DUSP29: variants seen among roughly 807,000 people sequenced by gnomAD.
DUSP29 encodes the protein dual specificity phosphatase 29, also known as atypical dual-specific protein phosphatase.
In DUSP29, 12 loss-of-function variants were observed where a neutral mutation model predicts 13.5. That is an observed-to-expected ratio of 0.89 (90% confidence interval 0.57 to 1.44). DUSP29 has a LOEUF of 1.44. Among genes scored for constraint, DUSP29 ranks in the 40% most tolerant of loss-of-function variants. DUSP29 has a pLI of 0.00. For synonymous variants in DUSP29, 134 were observed against 128.7 expected (o/e 1.04, Z -0.28); for missense variants, 308 against 301.1 (o/e 1.02, Z -0.17).
At chr10:75,041,945 G>A (rs1403426663) in intron 3 of DUSP29, among the ~76,000 whole-genome samples, 2 of 152,186 alleles carry the variant, frequency 1.3e-5, no homozygotes, top group African/African-American at 2.4e-5. Context: ...TTGAGTGCCA[G>A]GAACCTACAA....
chr10:75,067,893 A>G (rs1178286896), intron 1 of DUSP29, among the ~76,000 whole-genome samples: 2 of 151,956 alleles, frequency 1.3e-5, no homozygotes, highest in Non-Finnish European at 2.9e-5. Context: ...GCTCACTGCA[A>G]CCTCCGCCTC....
intron 1 of DUSP29, among the ~76,000 whole-genome samples, chr10:75,062,081 A>C (rs536411373): frequency 6.6e-6 from 1 of 152,200 alleles, no homozygotes; most frequent in East Asian, 1.9e-4. Context: ...AGGAAGGAAG[A>C]AATTATTTTA....
chr10:75,072,062 C>T (rs1234162727), intron 1 of DUSP29, among the ~76,000 whole-genome samples: 1 of 152,196 alleles, frequency 6.6e-6, no homozygotes, highest in Admixed American at 6.5e-5. Context: ...CTTCTGGCTC[C>T]CCCATCTGCT....
intron 1 of DUSP29, among the ~76,000 whole-genome samples, chr10:75,066,374 T>C (rs1251640019): frequency 1.3e-5 from 2 of 151,980 alleles, no homozygotes; most frequent in Non-Finnish European, 2.9e-5. Flanking sequence ...AGCCATGTTC[T>C]CGGTGACTCC....
intron 2 of DUSP29, among the ~76,000 whole-genome samples, chr10:75,048,314 G>C (rs986919295): frequency 6.6e-6 from 1 of 151,410 alleles, no homozygotes; most frequent in African/African-American, 2.4e-5. Context: ...ACATTTGTTG[G>C]ACTCATGCAG....
intron 2 of DUSP29, among the ~76,000 whole-genome samples, chr10:75,054,960 C>A (rs1431834126): frequency 1.3e-5 from 2 of 152,078 alleles, no homozygotes; most frequent in African/African-American, 4.8e-5. Context: ...CCACCTCAGC[C>A]CCCCAAGTAG....
intron 2 of DUSP29, among the ~76,000 whole-genome samples, chr10:75,051,066 T>A (rs1306009956): frequency 6.6e-6 from 1 of 152,204 alleles, no homozygotes; most frequent in Admixed American, 6.5e-5. Context: ...GGAACTTTGA[T>A]ATGGCTGCCT....
rs562506083 is a variant in DUSP29 at position 75,049,981 on chromosome 10, A to G, written c.201-5964T>C. ...CTTGGAGGCAACTGTAGTTTACACA[A>G]AAATAAGGAGCTCCTGAGGGCCCGC... On this transcript the variant is annotated intron_variant, in intron 2 of 3. Transcript: ENST00000338487. Among the ~76,000 whole-genome samples, 45 of 152,360 alleles carry G rather than the reference A, an allele frequency of 3.0e-4. 1 individual carries two copies. In the South Asian group the frequency reaches 8.9e-3, roughly 30 times the overall value.
rs185579446 is a variant in DUSP29, at chr10:75,060,522, G to A, written c.-34-1974C>T. Among the ~76,000 whole-genome samples the A allele has an allele frequency of 1.3e-3, 192 of 151,906 alleles. 1 individual carries two copies. The highest frequency in any genetic ancestry group is 4.3e-3 in the African/African-American group (180 of 41,388). ...TTATGCACGGTTGGAAGATGTTTGG[G>A]AACCAGCTCCTTATTTTGAAGATGG... On this transcript the variant is annotated intron_variant, in intron 1 of 3. Coordinates refer to ENST00000338487, the MANE Select transcript of DUSP29 (RefSeq NM_001003892.3).
intron 1 of DUSP29, among the ~76,000 whole-genome samples, chr10:75,070,977 C>A (rs1237225748): frequency 6.6e-6 from 1 of 152,218 alleles, no homozygotes; most frequent in Non-Finnish European, 1.5e-5. Context: ...CCTGGAGTGG[C>A]TGTTTCCAGG....
intron 1 of DUSP29, among the ~76,000 whole-genome samples, chr10:75,069,905 C>G (rs560765396): frequency 6.6e-6 from 1 of 150,866 alleles, no homozygotes; most frequent in East Asian, 2.0e-4. Flanking sequence ...AAAAAATGAG[C>G]TGGGCGTGGT....
intron 2 of DUSP29, among the ~76,000 whole-genome samples, chr10:75,050,623 G>A (rs1286459551): frequency 6.6e-6 from 1 of 152,234 alleles, no homozygotes; most frequent in African/African-American, 2.4e-5. Context: ...ACCCATAGTT[G>A]GTGGCCACCC....
At chr10:75,046,001 A>T (rs1302087611) in intron 2 of DUSP29, among the ~76,000 whole-genome samples, 1 of 152,100 alleles carries the variant, frequency 6.6e-6, no homozygotes, top group African/African-American at 2.4e-5. Flanking sequence ...CTGTAGTCCC[A>T]GCTACTGGGG....
At chr10:75,041,771 C>T (rs1386325179) in intron 3 of DUSP29, among the ~76,000 whole-genome samples, 1 of 152,216 alleles carries the variant, frequency 6.6e-6, no homozygotes, top group African/African-American at 2.4e-5. Flanking sequence ...CAAGTATCTA[C>T]TCTCCTCCGT....
At chr10:75,065,567 G>T (rs1458836106) in intron 1 of DUSP29, among the ~76,000 whole-genome samples, 1 of 152,104 alleles carries the variant, frequency 6.6e-6, no homozygotes, top group Non-Finnish European at 1.5e-5. Context: ...GACCTCAAAT[G>T]ATCCACCCAC....
chr10:75,064,687 G>A (rs937495148), intron 1 of DUSP29, among the ~76,000 whole-genome samples: 3 of 152,054 alleles, frequency 2.0e-5, no homozygotes, highest in African/African-American at 7.2e-5. Context: ...TGCAAGGCTT[G>A]CATTTAGTTA....
At chr10:75,071,199 A>G (rs764474140) in intron 1 of DUSP29, among the ~76,000 whole-genome samples, 12 of 152,214 alleles carry the variant, frequency 7.9e-5, no homozygotes, top group African/African-American at 2.9e-4. Context: ...TCCGTGTCCA[A>G]TCTGAAATGG....
In DUSP29 at chr10:75,043,778, G is replaced by A; in HGVS notation, c.421+19C>T. 6.2e-7 allele frequency: 1 copy of A among 1,603,934 alleles called. No individual in the cohort carries two copies. Among genetic ancestry groups the A allele is most frequent in the Admixed American group, 1.7e-5 (1 of 59,940 alleles). On this transcript the variant is annotated intron_variant, in intron 3 of 3. Coordinates refer to ENST00000338487, the MANE Select transcript of DUSP29 (RefSeq NM_001003892.3). ...GGGGCGGGGCGGGGCCGATCGGGGC[G>A]GGGCCGCGGGTCTCTTACTGTGGTC...
chr10:75,048,814 G>A (rs1300867719), intron 2 of DUSP29, among the ~76,000 whole-genome samples: 6 of 152,212 alleles, frequency 3.9e-5, no homozygotes, highest in Non-Finnish European at 7.3e-5. Flanking sequence ...GGGTGTTCTT[G>A]TTACTTGAGG....
Sources: gnomAD v4.1 joint callset for allele counts (sites outside exome capture counted in the v4.1 genomes callset) on GRCh38, gnomAD v4.1.1 for gene constraint, MANE v1.5 for transcripts, NCBI Gene and HGNC (gene_info 2026-07-23, HGNC 2026-07-21) for gene names.